The following CCDC178 variants were observed in gnomAD, a reference collection of about 807,000 sequenced individuals.
CCDC178 encodes coiled-coil domain containing 178, also known as coiled-coil domain-containing protein 178.
In CCDC178, 126 loss-of-function variants were observed where a neutral mutation model predicts 117.4. The observed-to-expected ratio is 1.07, with a 90% CI of 0.93 to 1.24. CCDC178 has a LOEUF of 1.24. Among genes scored for constraint, CCDC178 ranks in the 50% most tolerant of loss-of-function variants. The probability of loss-of-function intolerance (pLI) is 0.00; values close to 1 mark genes in which losing one functional copy is unlikely to be tolerated. For synonymous variants in CCDC178, 283 were observed against 313.4 expected (o/e 0.90, Z 1.02); for missense variants, 1,030 against 986.9 (o/e 1.04, Z -0.59).
intron 9 of CCDC178, among the ~76,000 whole-genome samples, chr18:33,336,124 T>C (rs1279978206): frequency 2.0e-5 from 3 of 152,138 alleles, no homozygotes; most frequent in Non-Finnish European, 2.9e-5. Flanking sequence ...TTACGAATGT[T>C]CAGGAAGCAT....
intron 20 of CCDC178, among the ~76,000 whole-genome samples, chr18:33,094,276 C>T (rs1444076868): frequency 3.3e-5 from 5 of 151,924 alleles, no homozygotes; most frequent in African/African-American, 1.2e-4. Flanking sequence ...TATAAACTTG[C>T]CTAAAATCAC....
intron 21 of CCDC178, among the ~76,000 whole-genome samples, chr18:33,084,124 A>T (rs1031349025): frequency 6.8e-6 from 1 of 147,568 alleles, no homozygotes; most frequent in Non-Finnish European, 1.5e-5. Flanking sequence ...ACTTTTTGTC[A>T]TTGTTACAAC....
At chr18:33,438,514 G>A (rs1286357471) in intron 2 of CCDC178, among the ~76,000 whole-genome samples, 4 of 148,710 alleles carry the variant, frequency 2.7e-5, no homozygotes, top group Non-Finnish European at 5.9e-5. Context: ...TGCCATATAC[G>A]GCATACACAC....
intron 20 of CCDC178, among the ~76,000 whole-genome samples, chr18:33,129,129 G>A (rs1455123612): frequency 6.6e-6 from 1 of 152,078 alleles, no homozygotes; most frequent in Non-Finnish European, 1.5e-5. Flanking sequence ...GGAGGGTGAT[G>A]ATACCATTAG....
intron 21 of CCDC178, among the ~76,000 whole-genome samples, chr18:33,004,046 T>A (rs2055699432): frequency 6.6e-6 from 1 of 151,826 alleles, no homozygotes; most frequent in Non-Finnish European, 1.5e-5. Flanking sequence ...AATAGAAAAA[T>A]ATTTCATGTT....
intron 21 of CCDC178, among the ~76,000 whole-genome samples, chr18:33,038,757 T>C (rs931569487): frequency 6.6e-6 from 1 of 151,982 alleles, no homozygotes; most frequent in Non-Finnish European, 1.5e-5. Flanking sequence ...ACTGACATCA[T>C]GAAATGGAAT....
At chr18:32,978,023 G>A (rs2055063710) in intron 21 of CCDC178, among the ~76,000 whole-genome samples, 1 of 152,052 alleles carries the variant, frequency 6.6e-6, no homozygotes, top group African/African-American at 2.4e-5. Flanking sequence ...GTTTTCTACA[G>A]CCACAAGTCA....
At chr18:33,066,883 T>G (rs926381682) in intron 21 of CCDC178, among the ~76,000 whole-genome samples, 3 of 152,146 alleles carry the variant, frequency 2.0e-5, no homozygotes, top group Non-Finnish European at 4.4e-5. Context: ...AAGAGAGAGA[T>G]AGACTCTAAT....
chr18:33,102,024 T>C (rs774707217), intron 20 of CCDC178, among the ~76,000 whole-genome samples: 1 of 151,956 alleles, frequency 6.6e-6, no homozygotes, highest in Non-Finnish European at 1.5e-5. Context: ...ATGCTGATTA[T>C]ATTATATACA....
At chr18:32,982,293 G>A (rs1490538437) in intron 21 of CCDC178, among the ~76,000 whole-genome samples, 4 of 152,068 alleles carry the variant, frequency 2.6e-5, no homozygotes, top group African/African-American at 9.7e-5. Flanking sequence ...CTCCTTATAA[G>A]AATCAGACAT....
At chr18:33,341,562 G>A (rs548175978) in intron 9 of CCDC178, among the ~76,000 whole-genome samples, 1 of 152,180 alleles carries the variant, frequency 6.6e-6, no homozygotes, top group East Asian at 1.9e-4. Flanking sequence ...GTTGTGGGAG[G>A]GACCCAAGGG....
chr18:33,205,787 C>T (rs535712085), intron 20 of CCDC178, among the ~76,000 whole-genome samples: 11 of 152,318 alleles, frequency 7.2e-5, no homozygotes, highest in South Asian at 4.1e-4. Context: ...CTCAACCTCC[C>T]GGGCTCAGGT....
chr18:32,942,922 T>G (rs1265632836), intron 22 of CCDC178, among the ~76,000 whole-genome samples: 2 of 152,236 alleles, frequency 1.3e-5, no homozygotes, highest in African/African-American at 4.8e-5. Flanking sequence ...TTGTGCAATG[T>G]TATTAGATTT....
chr18:32,953,153 C>T (rs151170410), intron 22 of CCDC178, among the ~76,000 whole-genome samples: 39 of 152,286 alleles, frequency 2.6e-4, no homozygotes, highest in Non-Finnish European at 4.3e-4. Flanking sequence ...CCTAAATCAT[C>T]TCTCTCAAGT....
chr18:33,297,132 G>C (rs1338420610), intron 11 of CCDC178, among the ~76,000 whole-genome samples: 1 of 152,020 alleles, frequency 6.6e-6, no homozygotes, highest in African/African-American at 2.4e-5. Context: ...TAAAGAATTA[G>C]TTGAAATAAA....
At chr18:33,278,245 A>C (rs1318173172) in intron 12 of CCDC178, among the ~76,000 whole-genome samples, 1 of 128,554 alleles carries the variant, frequency 7.8e-6, no homozygotes, top group South Asian at 2.3e-4. Context: ...ATATATATAT[A>C]TATATCTATA....
At position 33,323,494 on chromosome 18, in the gene CCDC178, T is replaced by C. The variant is rs912030354; in HGVS notation, c.1019A>G (p.Tyr340Cys). 3 of 1,501,070 alleles carry C rather than the reference T, an allele frequency of 2.0e-6. No homozygotes were observed. The highest frequency in any genetic ancestry group is 1.8e-6 in the Non-Finnish European group (2 of 1,127,812). The allele number at this position is 1,501,070 out of a possible 1,614,324, so 93.0% of individuals were successfully genotyped here. ...IYQDEKTIEA[Y>C]KREIYQLNSL... ...AGTGTTTGCGAAAAATTCTTACTTG[T>C]AGGCCTCTATGGTTTTTTCATCCTG... The change falls in exon 11 of 23, where the codon TAC becomes TGC. Residue 340 changes from tyrosine (Y) to cysteine (C), a missense_variant. Physicochemically the swap from Tyr to Cys is radical, Grantham distance 194. Transcript: ENST00000383096.
intron 11 of CCDC178, among the ~76,000 whole-genome samples, chr18:33,319,269 C>T (rs908316740): frequency 1.3e-5 from 2 of 151,914 alleles, no homozygotes; most frequent in African/African-American, 2.4e-5. Context: ...TCAATTCCCA[C>T]CGATGAGTGA....
intron 9 of CCDC178, among the ~76,000 whole-genome samples, chr18:33,340,035 G>A (rs1410291638): frequency 6.6e-6 from 1 of 152,152 alleles, no homozygotes; most frequent in Non-Finnish European, 1.5e-5. Context: ...CTCAGAAGAA[G>A]ATAGGAAAAT....
Sources: gnomAD v4.1 joint callset for allele counts (sites outside exome capture counted in the v4.1 genomes callset) on GRCh38, gnomAD v4.1.1 for gene constraint, MANE v1.5 for transcripts, NCBI Gene and HGNC (gene_info 2026-07-23, HGNC 2026-07-21) for gene names.